Variants in PLCG1 observed in about 807,000 individuals in gnomAD.
PLCG1 encodes 1-phosphatidylinositol 4,5-bisphosphate phosphodiesterase gamma-1.
Under a neutral mutation model 177.8 loss-of-function variants are expected in PLCG1, and 71 were observed. The ratio of observed to expected loss-of-function variants is 0.40; its 90% CI spans 0.33 to 0.49. The LOEUF (loss-of-function observed/expected upper bound fraction) is 0.49, where lower values mean the gene tolerates loss of function less well. Among genes scored for constraint, PLCG1 ranks in the 20% least tolerant of loss-of-function variants. The pLI is 0.72. For synonymous variants in PLCG1, 658 were observed against 647.9 expected (o/e 1.02, Z -0.24); for missense variants, 1,281 against 1,709.0 (o/e 0.75, Z 4.42).
In PLCG1 at chr20:41,175,825, G is replaced by A. The variant is rs1465376993; in HGVS notation, c.*1316G>A. ...ATTATTCTGCAGTAGAAGCAGGTAG[G>A]AAATTTCTGGAAATTTCTCAGGTTA... On this transcript the variant is annotated 3_prime_UTR_variant, in exon 32 of 32. Transcript: ENST00000685551. The A allele has an allele frequency of 6.6e-6, 1 of 152,600 alleles. No individual in the cohort carries two copies. The highest frequency in any genetic ancestry group is 1.9e-4 in the East Asian group (1 of 5,196). The allele number at this position is 152,600 out of a possible 1,614,324, so 9.5% of individuals were successfully genotyped here. A position where few individuals can be genotyped will look rare whatever the true frequency, so the allele number is the denominator to read the frequency against.
chr20:41,161,005 T>C (rs1338743967), intron 4 of PLCG1, among the ~76,000 whole-genome samples: 1 of 151,828 alleles, frequency 6.6e-6, no homozygotes, highest in Admixed American at 6.6e-5. Flanking sequence ...GTGGTTAGAG[T>C]GAGTTTAGGT....
rs1459371994 is a variant in PLCG1, at chr20:41,147,988, G to C, written c.217+10130G>C. On this transcript the variant is annotated intron_variant, in intron 1 of 31. Coordinates refer to ENST00000685551, the MANE Select transcript of PLCG1 (RefSeq NM_002660.3). This position sits in a 1 kb window ranked among gnomAD's most constrained non-coding sequence, Gnocchi z 4.0. Reference sequence around the variant, plus strand: ...CAGGAAGCAAAAAGGGAACAGGAGAGTGGCTTGGCTTGGGCTGGCATGGCG... The same window carrying C: ...CAGGAAGCAAAAAGGGAACAGGAGACTGGCTTGGCTTGGGCTGGCATGGCG... Among the ~76,000 whole-genome samples the C allele has an allele frequency of 1.3e-5, 2 of 152,182 alleles. No individual in the cohort carries two copies. Among genetic ancestry groups the C allele is most frequent in the Non-Finnish European group, 2.9e-5 (2 of 68,038 alleles).
Position 41,137,880 on chromosome 20 carries a change from C to G in PLCG1, c.217+22C>G. ...GCCAGTAAGTGCGCCCACTTCCTGC[C>G]TGGGCCCGCCCCGCGCGGGGGTCGT... On this transcript the variant is annotated intron_variant, in intron 1 of 31. Transcript: ENST00000685551. The surrounding 1 kb of genome is among the most constrained non-coding windows in gnomAD (Gnocchi z 7.3). 8.0e-7 allele frequency: 1 copy of G among 1,245,086 alleles called. No homozygotes were observed. The highest frequency in any genetic ancestry group is 1.0e-6 in the Non-Finnish European group (1 of 983,304). 77.1% of individuals were successfully genotyped at this position (1,245,086 alleles called of 1,614,324 possible).
Position 41,162,235 on chromosome 20 carries a change from G to GTTTTTTTTTTTTTTTTTTTTTTTT in PLCG1, c.513-197_513-196insTTTTTTTTTTTTTTTTTTTTTTTT, listed in dbSNP as rs11426520. ...GGTTTTTTTTGTTTGTTTTGTTTTTGTTTTTTTTTTTTTTTTTTTTGCTCA... is the reference window on the plus strand; with the variant it reads ...GGTTTTTTTTGTTTGTTTTGTTTTTGTTTTTTTTTTTTTTTTTTTTTTTTTTTTTTTTTTTTTTTTTTTTGCTCA... On this transcript the variant is annotated intron_variant, in intron 4 of 31. Coordinates refer to ENST00000685551, the MANE Select transcript of PLCG1 (RefSeq NM_002660.3). 2.7e-4 allele frequency: 39 copies of GTTTTTTTTTTTTTTTTTTTTTTTT among 143,642 alleles called. 1 individual carries two copies. Among genetic ancestry groups the GTTTTTTTTTTTTTTTTTTTTTTTT allele is most frequent in the Admixed American group, 4.0e-4 (4 of 9,914 alleles). 8.9% of individuals were successfully genotyped at this position (143,642 alleles called of 1,614,324 possible).
chr20:41,156,688 C>T lies in PLCG1; in HGVS notation c.218-2918C>T, dbSNP rs1001362219. On this transcript the variant is annotated intron_variant, in intron 1 of 31. Transcript: ENST00000685551. The surrounding 1 kb of genome is among the most constrained non-coding windows in gnomAD (Gnocchi z 5.0). ...CTAGGTCATGGATTTTTGGGTATAACGTGTGACTTTCCTACTCCCCTAAGT... is the reference window on the plus strand; with the variant it reads ...CTAGGTCATGGATTTTTGGGTATAATGTGTGACTTTCCTACTCCCCTAAGT... 4.6e-5 allele frequency among the ~76,000 whole-genome samples: 7 copies of T among 152,158 alleles called. No homozygotes were observed. Among genetic ancestry groups the T allele is most frequent in the Non-Finnish European group, 2.9e-5 (2 of 68,026 alleles).
intron 20 of PLCG1, 109 bp downstream of exon 20, chr20:41,168,038 G>A: frequency 2.5e-6 from 2 of 813,540 alleles, no homozygotes; most frequent in South Asian, 2.9e-5. Flanking sequence ...AGTGGTGGTT[G>A]TGGTTTTCCG....
rs544230881 is a variant in PLCG1, at chr20:41,172,663, G to A, written c.3130+18G>A. On this transcript the variant is annotated intron_variant, in intron 26 of 31. Coordinates refer to ENST00000685551, the MANE Select transcript of PLCG1 (RefSeq NM_002660.3). The surrounding 1 kb of genome is among the most constrained non-coding windows in gnomAD (Gnocchi z 7.0). ...GACCCCTGGTGAGGAAGTCCCCTGT[G>A]AGGAGGGTGAGGAGGGGCACTGTGG... 5.3e-5 allele frequency: 86 copies of A among 1,612,982 alleles called. No homozygotes were observed. The Admixed American group carries it at 7.7e-4, about 14-fold the overall frequency.
chr20:41,174,167 G>A lies in PLCG1; in HGVS notation c.3689G>A (p.Arg1230Gln), dbSNP rs773456489. The stretch of plus-strand genomic sequence containing the variant: ...AGTCCCTTCAGTGGTACGTCCCTGC[G>A]GGAGCGGGGCTCAGATGCCTCAGGC... ...DLSPFSGTSLRERGSDASGQL... is the reference protein window; with the variant it reads ...DLSPFSGTSLQERGSDASGQL... The change falls in exon 31 of 32, where the codon CGG becomes CAG. Residue 1230 changes from arginine (R) to glutamine (Q), a missense_variant. Arg to Gln is a conservative substitution (Grantham distance 43). This residue lies in a region of PLCG1 where 153 missense variants were observed against 153.2 expected (regional missense o/e 1.00). Coordinates refer to ENST00000685551, the MANE Select transcript of PLCG1 (RefSeq NM_002660.3). This position sits in a 1 kb window ranked among gnomAD's most constrained non-coding sequence, Gnocchi z 5.8. 30 of 1,614,004 alleles carry A rather than the reference G, an allele frequency of 1.9e-5. No homozygotes were observed. The highest frequency in any genetic ancestry group is 1.6e-4 in the Middle Eastern group (1 of 6,084).
rs182636451 is a variant in PLCG1, at chr20:41,174,383, C to T, written c.3833+72C>T. ...TCCTCCTTCTTCAGTGTTTCTTTCTCCTGGGTAGAAAAGTTGTAATATTGT... is the reference window on the plus strand; with the variant it reads ...TCCTCCTTCTTCAGTGTTTCTTTCTTCTGGGTAGAAAAGTTGTAATATTGT... On this transcript the variant is annotated intron_variant, in intron 31 of 31. Transcript: ENST00000685551. This position sits in a 1 kb window ranked among gnomAD's most constrained non-coding sequence, Gnocchi z 5.8. 4.4e-6 allele frequency: 7 copies of T among 1,600,634 alleles called. No individual in the cohort carries two copies. In the African/African-American group the frequency reaches 5.4e-5, roughly 12 times the overall value.
Position 41,169,529 on chromosome 20 carries a change from G to A in PLCG1, c.2650+3G>A. The A allele has an allele frequency of 6.2e-7, 1 of 1,610,088 alleles. No homozygotes were observed. Among genetic ancestry groups the A allele is most frequent in the Non-Finnish European group, 8.5e-7 (1 of 1,176,500 alleles). On this transcript the variant is annotated splice_donor_region_variant and intron_variant, in intron 23 of 31. Coordinates refer to ENST00000685551, the MANE Select transcript of PLCG1 (RefSeq NM_002660.3). ...GGATGTGCCGGCTTGTCAGATTGGT[G>A]AGCTCCCATCTGTTTCTCTTGCCCA... is the stretch of plus-strand genomic sequence containing the variant.
chr20:41,159,730 A>T lies in PLCG1; in HGVS notation c.342A>T (p.Glu114Asp), dbSNP rs751591742. The stretch of plus-strand genomic sequence containing the variant: ...GCTTTGTCATTCTCTATGGAATGGA[A>T]TTTCGCCTGAAAACGCTGAGCCTGC... ...SHCFVILYGM[E>D]FRLKTLSLQA... The change falls in exon 2 of 32, where the codon GAA becomes GAT. Residue 114 changes from glutamate to aspartate, a missense_variant. Around this residue, in one of 4 missense-constraint regions of PLCG1, gnomAD observed 374 missense variants for 443.8 expected, o/e 0.84. Coordinates refer to ENST00000685551, the MANE Select transcript of PLCG1 (RefSeq NM_002660.3). The surrounding 1 kb of genome is among the most constrained non-coding windows in gnomAD (Gnocchi z 6.0). 9 of 1,614,174 alleles carry T rather than the reference A, an allele frequency of 5.6e-6. No homozygotes were observed. The highest frequency in any genetic ancestry group is 7.6e-6 in the Non-Finnish European group (9 of 1,180,038).
At chr20:41,145,211 C>T (rs999708645) in intron 1 of PLCG1, among the ~76,000 whole-genome samples, 26 of 152,110 alleles carry the variant, frequency 1.7e-4, no homozygotes, top group Admixed American at 1.5e-3. Context: ...CCTACACCAC[C>T]GTCCCTGGAG....
intron 1 of PLCG1, among the ~76,000 whole-genome samples, chr20:41,149,620 T>TTCACA (rs1210593131): frequency 6.6e-6 from 1 of 152,206 alleles, no homozygotes; most frequent in Non-Finnish European, 1.5e-5. Flanking sequence ...AGGAGAGGAC[T>TTCACA]AGGCTAGAGA....
chr20:41,165,967 T>G lies in PLCG1; in HGVS notation c.1799+141T>G. On this transcript the variant is annotated intron_variant, in intron 16 of 31. Coordinates refer to ENST00000685551, the MANE Select transcript of PLCG1 (RefSeq NM_002660.3). The surrounding 1 kb of genome is among the most constrained non-coding windows in gnomAD (Gnocchi z 6.6). ...TACATGGAACATAATTTCACCTACA[T>G]ACACACACACACTCTCTGTCTCACC... 1 of 703,794 alleles carries G rather than the reference T, an allele frequency of 1.4e-6. No homozygotes were observed. Among genetic ancestry groups the G allele is most frequent in the Non-Finnish European group, 2.3e-6 (1 of 431,100 alleles). The allele number at this position is 703,794 out of a possible 1,614,324, so 43.6% of individuals were successfully genotyped here. A position where few individuals can be genotyped will look rare whatever the true frequency, so the allele number is the denominator to read the frequency against.
rs994049348 is a variant in PLCG1, at chr20:41,175,508, A to C, written c.*999A>C. The C allele has an allele frequency of 1.3e-5, 2 of 152,608 alleles. No homozygotes were observed. Among genetic ancestry groups the C allele is most frequent in the African/African-American group, 2.4e-5 (1 of 41,448 alleles). The allele number at this position is 152,608 out of a possible 1,614,324, so 9.5% of individuals were successfully genotyped here. A position where few individuals can be genotyped will look rare whatever the true frequency, so the allele number is the denominator to read the frequency against. On this transcript the variant is annotated 3_prime_UTR_variant, in exon 32 of 32. Transcript: ENST00000685551. ...CAGCTTCTAACTGGTAAAAAGATCC[A>C]GGGATGGAGATGGGAAGGTTAGAAA...
In PLCG1 at chr20:41,148,168, T is replaced by G. The variant is rs980362139; in HGVS notation, c.217+10310T>G. ...TTAGAACGTCTCCAGCCCCACAGATTTACTCTGTTGGAGGCTTAAGGACTA... is the reference window on the plus strand; with the variant it reads ...TTAGAACGTCTCCAGCCCCACAGATGTACTCTGTTGGAGGCTTAAGGACTA... On this transcript the variant is annotated intron_variant, in intron 1 of 31. Transcript: ENST00000685551. This position sits in a 1 kb window ranked among gnomAD's most constrained non-coding sequence, Gnocchi z 4.3. Among the ~76,000 whole-genome samples, 1 of 152,190 alleles carries G rather than the reference T, an allele frequency of 6.6e-6. No homozygotes were observed. Among genetic ancestry groups the G allele is most frequent in the African/African-American group, 2.4e-5 (1 of 41,444 alleles).
At chr20:41,169,365 C>A (rs936518059) in intron 22 of PLCG1, 92 bp from the exon 23 acceptor site, 19 of 1,087,150 alleles carry the variant, frequency 1.7e-5, no homozygotes, top group Admixed American at 1.0e-4. Flanking sequence ...ACAGGTACAC[C>A]CACAAGATGT....
At chr20:41,152,983 G>C (rs984356336) in intron 1 of PLCG1, among the ~76,000 whole-genome samples, 3 of 152,206 alleles carry the variant, frequency 2.0e-5, no homozygotes, top group African/African-American at 7.2e-5. Flanking sequence ...GGAGGGCTGG[G>C]CTTTCCCTGC....
intron 1 of PLCG1, among the ~76,000 whole-genome samples, chr20:41,138,901 C>T (rs1336800587): frequency 1.3e-5 from 2 of 152,160 alleles, no homozygotes; most frequent in South Asian, 2.1e-4. Context: ...CTCCATTCCC[C>T]CGCCTCTCAG....
Sources: gnomAD v4.1 joint callset for allele counts (sites outside exome capture counted in the v4.1 genomes callset) on GRCh38, gnomAD v4.1.1 for gene constraint, gnomAD v4.1.1 regional missense constraint, Gnocchi (gnomAD v3.1) non-coding constraint, MANE v1.5 for transcripts, NCBI Gene and HGNC (gene_info 2026-07-23, HGNC 2026-07-21) for gene names.